Variants in RIN2 observed in about 807,000 individuals in gnomAD.
RIN2 encodes RAB5 interacting protein 2.
A neutral mutation model predicts 78.0 loss-of-function variants in RIN2; 36 were observed. The observed-to-expected ratio is 0.46, with a 90% CI of 0.35 to 0.61. The LOEUF (loss-of-function observed/expected upper bound fraction) is 0.61. Among genes scored for constraint, RIN2 ranks in the 20% least tolerant of loss-of-function variants. The pLI, the probability that RIN2 is intolerant of heterozygous loss-of-function variation, is 0.00. For missense variants in RIN2, 1,087 were observed against 1,159.7 expected, an observed-to-expected ratio of 0.94 and a Z score of 0.91; for synonymous variants, 466 against 466.8, an observed-to-expected ratio of 1.00 and a Z score of 0.02.
At chr20:19,783,040 G>A (rs191326692) in intron 1 of RIN2, among the ~76,000 whole-genome samples, 13 of 152,238 alleles carry the variant, frequency 8.5e-5, no homozygotes, top group Admixed American at 4.6e-4. Flanking sequence ...TCAAAGCAGC[G>A]GCCGCCTATG....
In RIN2 at chr20:19,767,519, G is replaced by A. The variant is rs1299756749; in HGVS notation, c.-163+9192G>A. Among the ~76,000 whole-genome samples the A allele has an allele frequency of 2.6e-5, 4 of 152,190 alleles. No individual in the cohort carries two copies. In the South Asian group the frequency reaches 6.2e-4, roughly 24 times the overall value. Reference sequence around the variant, plus strand: ...CTCTGGCTAGCCTCAGGGAGGATGGGACTGAGAGACCAGAGGGCAGGAGGT... The same window carrying A: ...CTCTGGCTAGCCTCAGGGAGGATGGAACTGAGAGACCAGAGGGCAGGAGGT... On this transcript the variant is annotated intron_variant, in intron 1 of 12. Coordinates refer to ENST00000255006, the MANE Select transcript of RIN2 (RefSeq NM_018993.4).
chr20:19,973,472 A>G (rs2042170097), intron 8 of RIN2, among the ~76,000 whole-genome samples: 1 of 152,300 alleles, frequency 6.6e-6, no homozygotes, highest in Admixed American at 6.5e-5. Context: ...AAGACACTGC[A>G]AAGCATAGCT....
chr20:19,847,701 A>G (rs954934125), intron 2 of RIN2, among the ~76,000 whole-genome samples: 2 of 152,232 alleles, frequency 1.3e-5, no homozygotes, highest in South Asian at 2.1e-4. Context: ...AATTGGTTAC[A>G]TATTTAAGTG....
chr20:19,943,076 C>A, intron 4 of RIN2, among the ~76,000 whole-genome samples: 1 of 152,198 alleles, frequency 6.6e-6, no homozygotes, highest in East Asian at 1.9e-4. Flanking sequence ...GGGTGCATGC[C>A]CCGGGCTTGA....
chr20:19,930,601 C>T (rs1263531767), intron 3 of RIN2, among the ~76,000 whole-genome samples: 2 of 152,142 alleles, frequency 1.3e-5, no homozygotes, highest in Non-Finnish European at 2.9e-5. Flanking sequence ...TGGGAGTCCT[C>T]TCTTTGAGGT....
intron 2 of RIN2, among the ~76,000 whole-genome samples, chr20:19,863,067 T>C (rs898978190): frequency 2.0e-5 from 3 of 152,204 alleles, no homozygotes; most frequent in Admixed American, 6.5e-5. Context: ...GTGAGCGTTT[T>C]CTCATATACA....
rs565449217 is a variant in RIN2 at position 19,912,015 on chromosome 20, T to C, written c.57+22357T>C. On this transcript the variant is annotated intron_variant, in intron 3 of 12. Coordinates refer to ENST00000255006, the MANE Select transcript of RIN2 (RefSeq NM_018993.4). ...CTACAGGGCTCCCTTTTAGTTCAGG[T>C]TTTACTTCCTGGCCCTGTGGACTCC... Among the ~76,000 whole-genome samples the C allele has an allele frequency of 2.6e-5, 4 of 152,266 alleles. No homozygotes were observed. The East Asian group carries it at 7.7e-4, about 29-fold the overall frequency.
At chr20:19,990,342 C>G (rs772453624) in intron 10 of RIN2, 31 bp downstream of exon 10, 2 of 1,580,716 alleles carry the variant, frequency 1.3e-6, no homozygotes, top group African/African-American at 2.7e-5. Context: ...GGCTTCGTGC[C>G]GCTTCCCTTC....
chr20:19,975,812 T>G lies in RIN2; in HGVS notation c.1762+25T>G, dbSNP rs994739985. 2 of 1,565,334 alleles carry G rather than the reference T, an allele frequency of 1.3e-6. No individual in the cohort carries two copies. The highest frequency in any genetic ancestry group is 1.7e-6 in the Non-Finnish European group (2 of 1,153,248). ...GGTAAGTACCCTCTTTTTTAAAATA[T>G]AAAATCTATTGTAACTCTGTCCGGG... On this transcript the variant is annotated intron_variant, in intron 9 of 12. Coordinates refer to ENST00000255006, the MANE Select transcript of RIN2 (RefSeq NM_018993.4). This position sits in a 1 kb window ranked among gnomAD's most constrained non-coding sequence, Gnocchi z 4.9.
At chr20:19,827,279 T>TCC (rs2036122001) in intron 2 of RIN2, among the ~76,000 whole-genome samples, 1 of 152,156 alleles carries the variant, frequency 6.6e-6, no homozygotes, top group African/African-American at 2.4e-5. Flanking sequence ...CCCCGCCTTT[T>TCC]TCTAATTTTC....
chr20:19,853,004 G>A (rs569443331), intron 2 of RIN2, among the ~76,000 whole-genome samples: 89 of 151,388 alleles, frequency 5.9e-4, no homozygotes, highest in Non-Finnish European at 1.1e-3. Context: ...ATTTACATTA[G>A]GTATATCTCC....
intron 1 of RIN2, among the ~76,000 whole-genome samples, chr20:19,791,808 G>T (rs574998664): frequency 6.6e-6 from 1 of 152,270 alleles, no homozygotes; most frequent in East Asian, 1.9e-4. Flanking sequence ...CAGCACTGGG[G>T]TTGTCTTAGT....
At chr20:19,859,334 G>A (rs2037262297) in intron 2 of RIN2, among the ~76,000 whole-genome samples, 1 of 152,218 alleles carries the variant, frequency 6.6e-6, no homozygotes, top group South Asian at 2.1e-4. Flanking sequence ...CACATTCCTG[G>A]TTCTAATCCT....
chr20:19,900,117 A>G (rs112837163), intron 3 of RIN2, among the ~76,000 whole-genome samples: 46 of 152,222 alleles, frequency 3.0e-4, no homozygotes, highest in African/African-American at 9.9e-4. Context: ...GCAAGAATGA[A>G]TGTGGGTTTT....
intron 1 of RIN2, among the ~76,000 whole-genome samples, chr20:19,773,259 T>G (rs1185500784): frequency 1.3e-5 from 2 of 152,208 alleles, no homozygotes; most frequent in East Asian, 3.9e-4. Context: ...TCTAAATTAG[T>G]TAAATCTGCA....
At chr20:19,762,805 C>G (rs1275084458) in intron 1 of RIN2, among the ~76,000 whole-genome samples, 2 of 151,874 alleles carry the variant, frequency 1.3e-5, no homozygotes, top group African/African-American at 4.8e-5. Context: ...CTCTTGTTGC[C>G]CAGGCTGGAG....
intron 5 of RIN2, among the ~76,000 whole-genome samples, chr20:19,959,761 C>T (rs1256613516): frequency 6.6e-6 from 1 of 152,166 alleles, no homozygotes; most frequent in Non-Finnish European, 1.5e-5. Flanking sequence ...AAGGGCCATG[C>T]TCCACAGAAG....
At chr20:19,817,673 C>T (rs546741716) in intron 2 of RIN2, among the ~76,000 whole-genome samples, 15 of 152,178 alleles carry the variant, frequency 9.9e-5, no homozygotes, top group Non-Finnish European at 1.6e-4. Flanking sequence ...AAACTAAAGA[C>T]TGAAAAAGTC....
At chr20:19,982,556 G>A (rs917043067) in intron 9 of RIN2, among the ~76,000 whole-genome samples, 1 of 152,204 alleles carries the variant, frequency 6.6e-6, no homozygotes, top group Non-Finnish European at 1.5e-5. Flanking sequence ...AAGGGCTCAG[G>A]CAGGTTTGAA....
Sources: allele counts gnomAD v4.1 joint callset (sites outside exome capture counted in the v4.1 genomes callset), GRCh38; gene constraint gnomAD v4.1.1; non-coding constraint Gnocchi (gnomAD v3.1); transcripts MANE v1.5; gene names NCBI Gene and HGNC (gene_info 2026-07-23, HGNC 2026-07-21).